Variants in MAN1A1 observed in about 807,000 individuals in gnomAD.
MAN1A1 encodes mannosidase alpha class 1A member 1.
A neutral mutation model predicts 70.8 loss-of-function variants in MAN1A1; 29 were observed. That is an observed-to-expected ratio of 0.41 (90% confidence interval 0.31 to 0.56). The LOEUF is 0.56. Among genes scored for constraint, MAN1A1 ranks in the 20% least tolerant of loss-of-function variants. The pLI, the probability that MAN1A1 is intolerant of heterozygous loss-of-function variation, is 0.29. For synonymous variants in MAN1A1, 349 were observed against 330.1 expected (o/e 1.06, Z -0.62); for missense variants, 747 against 841.3 (o/e 0.89, Z 1.39).
chr6:119,189,086 A>T (rs1403195767), intron 10 of MAN1A1, among the ~76,000 whole-genome samples: 1 of 152,218 alleles, frequency 6.6e-6, no homozygotes, highest in Non-Finnish European at 1.5e-5. Flanking sequence ...CAATTTAGTC[A>T]TTGAAAAGAG....
At chr6:119,224,102 G>A (rs1774440594) in intron 6 of MAN1A1, among the ~76,000 whole-genome samples, 1 of 152,184 alleles carries the variant, frequency 6.6e-6, no homozygotes, top group South Asian at 2.1e-4. Context: ...AGCCATAGAA[G>A]AGGTGGGACC....
intron 3 of MAN1A1, 41 bp downstream of exon 3, chr6:119,306,855 A>T (rs780074345): frequency 2.2e-6 from 3 of 1,353,734 alleles, no homozygotes; most frequent in Non-Finnish European, 3.2e-6. Flanking sequence ...GCAATTGGGG[A>T]GAAGTTATCG....
chr6:119,262,870 C>T lies in MAN1A1; in HGVS notation c.898-14516G>A, dbSNP rs1002657403. ...GGACTGAGGGATACAAAGTATAAAT[C>T]CTGGGTGTGTCTGTGTGGGTGTTGC... On this transcript the variant is annotated intron_variant, in intron 5 of 12. Coordinates refer to ENST00000368468, the MANE Select transcript of MAN1A1 (RefSeq NM_005907.4). Among the ~76,000 whole-genome samples, 3 of 152,120 alleles carry T rather than the reference C, an allele frequency of 2.0e-5. No individual in the cohort carries two copies. In the East Asian group the frequency reaches 5.8e-4, roughly 29 times the overall value.
chr6:119,240,300 A>C (rs1425791900), intron 6 of MAN1A1, among the ~76,000 whole-genome samples: 1 of 152,208 alleles, frequency 6.6e-6, no homozygotes, highest in Non-Finnish European at 1.5e-5. Context: ...GCTACAATTT[A>C]CCCTTAAATT....
chr6:119,268,510 G>A (rs1467320286), intron 5 of MAN1A1, among the ~76,000 whole-genome samples: 1 of 152,010 alleles, frequency 6.6e-6, no homozygotes, highest in Non-Finnish European at 1.5e-5. Flanking sequence ...CCACTCAGAA[G>A]GTAGGGCTCC....
chr6:119,266,078 T>A (rs540439110), intron 5 of MAN1A1, among the ~76,000 whole-genome samples: 1 of 152,154 alleles, frequency 6.6e-6, no homozygotes, highest in African/African-American at 2.4e-5. Context: ...AAGATCCATA[T>A]GAAGAAAACT....
Position 119,213,695 on chromosome 6 carries a change from A to G in MAN1A1, c.993-8813T>C, listed in dbSNP as rs1456542979. Among the ~76,000 whole-genome samples, 3 of 152,270 alleles carry G rather than the reference A, an allele frequency of 2.0e-5. No individual in the cohort carries two copies. In the East Asian group the frequency reaches 5.8e-4, roughly 29 times the overall value. ...CAATTCTGTTTCTTTTACTACCACC[A>G]GCGCTCCCTCAAAAAGATAGTTACA... On this transcript the variant is annotated intron_variant, in intron 6 of 12. Transcript: ENST00000368468.
chr6:119,322,918 C>G (rs1773053885), intron 2 of MAN1A1, among the ~76,000 whole-genome samples: 1 of 152,196 alleles, frequency 6.6e-6, no homozygotes, highest in African/African-American at 2.4e-5. Flanking sequence ...GAGCCCACAG[C>G]AAGGTGGTGG....
intron 5 of MAN1A1, among the ~76,000 whole-genome samples, chr6:119,278,548 A>G (rs1309067368): frequency 6.6e-6 from 1 of 152,072 alleles, no homozygotes; most frequent in Non-Finnish European, 1.5e-5. Context: ...ACCGGTACTT[A>G]GTTTTTTTTT....
rs532937528 is a variant in MAN1A1, at chr6:119,179,040, C to T, written c.*779G>A. Reference sequence around the variant, plus strand: ...AATGTAATTCAGTGATAGCAGAGCTCTGCAAAATTTGAAAGCTCACCTCTC... The same window carrying T: ...AATGTAATTCAGTGATAGCAGAGCTTTGCAAAATTTGAAAGCTCACCTCTC... On this transcript the variant is annotated 3_prime_UTR_variant, in exon 13 of 13. Transcript: ENST00000368468. 2.0e-5 allele frequency: 3 copies of T among 152,230 alleles called. No individual in the cohort carries two copies. The South Asian group carries it at 6.2e-4, about 32-fold the overall frequency. The allele number at this position is 152,230 out of a possible 1,614,324, so 9.4% of individuals were successfully genotyped here. A position where few individuals can be genotyped will look rare whatever the true frequency, so the allele number is the denominator to read the frequency against.
At chr6:119,331,914 TG>T (rs1160860446) in intron 2 of MAN1A1, 1 of 499,168 alleles carries the variant, frequency 2.0e-6, no homozygotes, top group Admixed American at 2.1e-5. Flanking sequence ...AAGAAGAGGG[TG>T]GGGGCAGGGA....
chr6:119,328,628 G>A (rs1033528640), intron 2 of MAN1A1, among the ~76,000 whole-genome samples: 1 of 152,198 alleles, frequency 6.6e-6, no homozygotes, highest in Non-Finnish European at 1.5e-5. Flanking sequence ...ATTGGGTCTT[G>A]ATAGACAGGT....
chr6:119,201,259 C>A lies in MAN1A1; in HGVS notation c.1205G>T (p.Gly402Val). 1 of 1,610,790 alleles carries A rather than the reference C, an allele frequency of 6.2e-7. No homozygotes were observed. Among genetic ancestry groups the A allele is most frequent in the Non-Finnish European group, 8.5e-7 (1 of 1,176,992 alleles). Reference protein sequence around the residue: ...NYLNPSSGQWGQHHVSVGGLG... With the variant: ...NYLNPSSGQWVQHHVSVGGLG... Reference sequence around the variant, plus strand: ...ATGCAAATCTTCTGACTTACGTTGACCCCACTGTCCACTACTGGGATTCAG... The same window carrying A: ...ATGCAAATCTTCTGACTTACGTTGAACCCACTGTCCACTACTGGGATTCAG... Residue 402 changes from glycine (G) to valine (V), a missense_variant, in exon 8 of 13, where the codon GGT becomes GTT. Around this residue, in one of 2 missense-constraint regions of MAN1A1, gnomAD observed 419 missense variants for 548.2 expected, o/e 0.76. Transcript: ENST00000368468.
rs190540988 is a variant in MAN1A1, at chr6:119,241,789, C to G, written c.992+6471G>C. Among the ~76,000 whole-genome samples, 13 of 152,050 alleles carry G rather than the reference C, an allele frequency of 8.5e-5. No homozygotes were observed. In the East Asian group the frequency reaches 1.9e-3, roughly 23 times the overall value. ...TGGATTTAAAACAATGATTCTTGAC[C>G]CTAGCTGAATATTAGAATGTCCTGG... is the stretch of plus-strand genomic sequence containing the variant. On this transcript the variant is annotated intron_variant, in intron 6 of 12. Coordinates refer to ENST00000368468, the MANE Select transcript of MAN1A1 (RefSeq NM_005907.4).
chr6:119,207,414 C>T (rs1261552849), intron 6 of MAN1A1, among the ~76,000 whole-genome samples: 1 of 152,164 alleles, frequency 6.6e-6, no homozygotes, highest in Non-Finnish European at 1.5e-5. Context: ...AGTTAGATTA[C>T]TTATGAGATC....
chr6:119,313,975 T>TA lies in MAN1A1; in HGVS notation c.604-6984dup, dbSNP rs1315503858. 1.9e-3 allele frequency among the ~76,000 whole-genome samples: 277 copies of TA among 147,206 alleles called. 1 individual carries two copies. Among genetic ancestry groups the TA allele is most frequent in the African/African-American group, 6.0e-3 (242 of 40,150 alleles). On this transcript the variant is annotated intron_variant, in intron 2 of 12. Transcript: ENST00000368468. ...AATCAAAACTACGCTGGCTAAGGGTTAAAAAAAAAAATCCGTGAGCCACAG... is the reference window on the plus strand; with the variant it reads ...AATCAAAACTACGCTGGCTAAGGGTTAAAAAAAAAAAATCCGTGAGCCACAG...
chr6:119,327,428 C>T (rs6569073), intron 2 of MAN1A1: 46,831 of 133,840 alleles, frequency 0.35, 8,222 homozygotes, highest in Non-Finnish European at 0.37. Flanking sequence ...CTCGCTCTGT[C>T]GCCCAGGCTG....
At chr6:119,275,127 T>C (rs966475947) in intron 5 of MAN1A1, among the ~76,000 whole-genome samples, 30 of 152,026 alleles carry the variant, frequency 2.0e-4, no homozygotes, top group Non-Finnish European at 2.4e-4. Context: ...TTTTTTTTTT[T>C]TGAGACAGAG....
At chr6:119,192,880 T>C (rs1009700186) in intron 9 of MAN1A1, among the ~76,000 whole-genome samples, 1 of 152,302 alleles carries the variant, frequency 6.6e-6, no homozygotes, top group Admixed American at 6.5e-5. Context: ...TTTTCGGTTT[T>C]GATTGAGGCT....
Sources: allele counts gnomAD v4.1 joint callset (sites outside exome capture counted in the v4.1 genomes callset), GRCh38; gene constraint gnomAD v4.1.1; regional missense constraint gnomAD v4.1.1; transcripts MANE v1.5; gene names NCBI Gene and HGNC (gene_info 2026-07-23, HGNC 2026-07-21).